Variants in RAB28 observed in about 807,000 individuals in gnomAD.
RAB28 encodes the protein RAB28, member RAS oncogene family.
A neutral mutation model predicts 31.7 loss-of-function variants in RAB28; 24 were observed. The observed-to-expected ratio is 0.76, with a 90% CI of 0.55 to 1.06. The LOEUF (loss-of-function observed/expected upper bound fraction) is 1.06. Ranked by LOEUF, RAB28 falls within the 50% of genes least tolerant of loss-of-function variation. The pLI is 0.00. For missense variants in RAB28, 254 were observed against 258.5 expected, an observed-to-expected ratio of 0.98 and a Z score of 0.12; for synonymous variants, 100 against 90.4, an observed-to-expected ratio of 1.11 and a Z score of -0.60.
In RAB28 at chr4:13,420,930, T is replaced by C. The variant is rs138170255; in HGVS notation, c.392-39336A>G. ...AGCAATCAGGCAAGAGAAAGAAATATAGGGTATTCAATTAGGAAAAGAGGA... is the reference window on the plus strand; with the variant it reads ...AGCAATCAGGCAAGAGAAAGAAATACAGGGTATTCAATTAGGAAAAGAGGA... On this transcript the variant is annotated intron_variant, in intron 4 of 6. Coordinates refer to ENST00000330852, the MANE Select transcript of RAB28 (RefSeq NM_001017979.3). Among the ~76,000 whole-genome samples, 939 of 152,200 alleles carry C rather than the reference T, an allele frequency of 6.2e-3. 5 individuals are homozygous for C. The highest frequency in any genetic ancestry group is 9.8e-3 in the Non-Finnish European group (668 of 67,994).
intron 4 of RAB28, among the ~76,000 whole-genome samples, chr4:13,407,014 T>C (rs1317310408): frequency 6.6e-6 from 1 of 152,246 alleles, no homozygotes; most frequent in Non-Finnish European, 1.5e-5. Context: ...TAGATCACAT[T>C]TGTCAATTTT....
At chr4:13,405,209 T>C (rs1381765814) in intron 4 of RAB28, among the ~76,000 whole-genome samples, 2 of 152,184 alleles carry the variant, frequency 1.3e-5, no homozygotes, top group African/African-American at 2.4e-5. Flanking sequence ...TAGCAGTCCT[T>C]CTTTCTTTTA....
chr4:13,404,927 T>C (rs925603950), intron 4 of RAB28, among the ~76,000 whole-genome samples: 16 of 150,494 alleles, frequency 1.1e-4, no homozygotes, highest in Non-Finnish European at 2.1e-4. Context: ...TGTCACTCTG[T>C]ACTTTTTTTT....
chr4:13,390,504 T>C (rs1419956341), intron 4 of RAB28, among the ~76,000 whole-genome samples: 2 of 151,682 alleles, frequency 1.3e-5, no homozygotes, highest in East Asian at 3.9e-4. Flanking sequence ...AGGTAATTTA[T>C]AGATTCAATG....
At chr4:13,417,305 G>C (rs1023762104) in intron 4 of RAB28, among the ~76,000 whole-genome samples, 6 of 152,162 alleles carry the variant, frequency 3.9e-5, no homozygotes, top group Non-Finnish European at 7.4e-5. Flanking sequence ...CCCACCTCTG[G>C]GAACAGGGCA....
intron 6 of RAB28, chr4:13,371,794 C>T (rs775891697): frequency 2.1e-5 from 33 of 1,546,778 alleles, no homozygotes; most frequent in Non-Finnish European, 2.8e-5. Context: ...AAAATACCAA[C>T]CTTTATTTTT....
intron 4 of RAB28, among the ~76,000 whole-genome samples, chr4:13,460,158 G>T (rs1715519544): frequency 6.6e-6 from 1 of 152,144 alleles, no homozygotes; most frequent in Non-Finnish European, 1.5e-5. Flanking sequence ...GTCTCAATAA[G>T]TCCTCTGTTT....
chr4:13,465,183 A>G (rs575822505), intron 3 of RAB28, among the ~76,000 whole-genome samples: 81 of 151,988 alleles, frequency 5.3e-4, no homozygotes, highest in Non-Finnish European at 9.3e-4. Context: ...CATCATACGC[A>G]CAGCTGAAAT....
intron 4 of RAB28, among the ~76,000 whole-genome samples, chr4:13,388,716 T>C (rs554740627): frequency 1.1e-4 from 16 of 152,040 alleles, no homozygotes; most frequent in Admixed American, 7.2e-4. Context: ...TGAATAGATA[T>C]TTCCTCAAAG....
At chr4:13,425,369 A>G (rs188772525) in intron 4 of RAB28, among the ~76,000 whole-genome samples, 32 of 152,342 alleles carry the variant, frequency 2.1e-4, no homozygotes, top group African/African-American at 7.0e-4. Flanking sequence ...GTTCCCTTAA[A>G]CTAATACTAA....
At chr4:13,459,230 T>C (rs1715463124) in intron 4 of RAB28, among the ~76,000 whole-genome samples, 1 of 152,182 alleles carries the variant, frequency 6.6e-6, no homozygotes, top group East Asian at 1.9e-4. Context: ...TTGGCTTCCC[T>C]ACTTTTGAGG....
chr4:13,427,522 G>C (rs1366825901), intron 4 of RAB28, among the ~76,000 whole-genome samples: 1 of 152,076 alleles, frequency 6.6e-6, no homozygotes, highest in Admixed American at 6.5e-5. Flanking sequence ...GGAAGCCAAG[G>C]TAACAATTAA....
At chr4:13,455,980 A>G (rs1715279768) in intron 4 of RAB28, among the ~76,000 whole-genome samples, 1 of 152,234 alleles carries the variant, frequency 6.6e-6, no homozygotes, top group East Asian at 1.9e-4. Context: ...AAGTGTATTT[A>G]TTAATCTCAA....
chr4:13,391,393 A>C (rs1729622220), intron 4 of RAB28, among the ~76,000 whole-genome samples: 1 of 152,228 alleles, frequency 6.6e-6, no homozygotes, highest in African/African-American at 2.4e-5. Context: ...ATCATTAAAA[A>C]GTCAGGAAAC....
At chr4:13,378,895 T>C (rs1045431119) in intron 5 of RAB28, among the ~76,000 whole-genome samples, 7 of 151,974 alleles carry the variant, frequency 4.6e-5, no homozygotes, top group East Asian at 1.9e-4. Context: ...GTTTGAACAT[T>C]TGAAGAGAGA....
chr4:13,408,330 G>A (rs1282517633), intron 4 of RAB28, among the ~76,000 whole-genome samples: 1 of 152,178 alleles, frequency 6.6e-6, no homozygotes, highest in Non-Finnish European at 1.5e-5. Flanking sequence ...ATTTGCACAT[G>A]TTGAACCACC....
intron 4 of RAB28, among the ~76,000 whole-genome samples, chr4:13,396,702 T>C (rs948358652): frequency 4.6e-5 from 7 of 152,070 alleles, no homozygotes; most frequent in African/African-American, 1.7e-4. Context: ...TTTTCCTGTA[T>C]ACTAGTTTTT....
chr4:13,415,706 G>C (rs957505595), intron 4 of RAB28, among the ~76,000 whole-genome samples: 1 of 151,810 alleles, frequency 6.6e-6, no homozygotes, highest in Non-Finnish European at 1.5e-5. Context: ...CCTCCCCAAC[G>C]AGCACCATCC....
chr4:13,367,869 A>T lies in RAB28; in HGVS notation c.*689T>A. 2 of 985,132 alleles carry T rather than the reference A, an allele frequency of 2.0e-6. No individual in the cohort carries two copies. The highest frequency in any genetic ancestry group is 2.4e-6 in the Non-Finnish European group (2 of 829,644). The allele number at this position is 985,132 out of a possible 1,614,324, so 61.0% of individuals were successfully genotyped here. The stretch of plus-strand genomic sequence containing the variant: ...GGAGCATCAGCTGAACATTTATCAG[A>T]ATTCAGAAAGCCTTCAAACCTGAGT... On this transcript the variant is annotated 3_prime_UTR_variant, in exon 7 of 7. Transcript: ENST00000330852.
Sources: allele counts gnomAD v4.1 joint callset (sites outside exome capture counted in the v4.1 genomes callset), GRCh38; gene constraint gnomAD v4.1.1; transcripts MANE v1.5; gene names NCBI Gene and HGNC (gene_info 2026-07-23, HGNC 2026-07-21).